The following PRKCB variants were observed in gnomAD, a reference collection of about 807,000 sequenced individuals.
PRKCB encodes the protein protein kinase C beta.
PRKCB carries 13 observed loss-of-function variants against 81.5 expected under a neutral mutation model. That is an observed-to-expected ratio of 0.16 (90% confidence interval 0.10 to 0.25). PRKCB has a LOEUF of 0.25. PRKCB is among the 10% of genes least tolerant of loss of function. The probability of loss-of-function intolerance (pLI) is 1.00; values close to 1 mark genes in which losing one functional copy is unlikely to be tolerated. For synonymous variants in PRKCB, 335 were observed against 321.4 expected, an observed-to-expected ratio of 1.04 and a Z score of -0.45; for missense variants, 509 against 875.7, an observed-to-expected ratio of 0.58 and a Z score of 5.29.
At chr16:24,049,986 G>C (rs972503433) in intron 5 of PRKCB, among the ~76,000 whole-genome samples, 3 of 152,210 alleles carry the variant, frequency 2.0e-5, no homozygotes, top group African/African-American at 7.2e-5. Context: ...CAGAGGAAGA[G>C]CAGTGGTGCA....
intron 14 of PRKCB, 40 bp from the exon 15 acceptor site, chr16:24,185,420 A>G: frequency 6.3e-7 from 1 of 1,577,858 alleles, no homozygotes; most frequent in African/African-American, 1.3e-5. Flanking sequence ...GGAGGGTTCA[A>G]GCAGGGATTC....
At position 24,149,281 on chromosome 16, in the gene PRKCB, T is replaced by A. The variant is rs546720629; in HGVS notation, c.1066-5403T>A. The stretch of plus-strand genomic sequence containing the variant: ...GACTCTGGCTCTGATTGGAGGAGTA[T>A]CAAATATTTGTAGACATGTTTTAAA... On this transcript the variant is annotated intron_variant, in intron 9 of 16. Transcript: ENST00000643927. Among the ~76,000 whole-genome samples, 6 of 152,308 alleles carry A rather than the reference T, an allele frequency of 3.9e-5. No individual in the cohort carries two copies. The East Asian group carries it at 1.2e-3, about 29-fold the overall frequency.
chr16:23,877,250 T>A (rs978497946), intron 2 of PRKCB, among the ~76,000 whole-genome samples: 5 of 151,960 alleles, frequency 3.3e-5, no homozygotes, highest in Admixed American at 3.3e-4. Flanking sequence ...GGCAGAAGGA[T>A]CACTTAAGCC....
intron 3 of PRKCB, among the ~76,000 whole-genome samples, chr16:24,003,000 G>A (rs1965060197): frequency 6.6e-6 from 1 of 152,048 alleles, no homozygotes; most frequent in South Asian, 2.1e-4. Flanking sequence ...GAGTCAGTCA[G>A]TATTTATTAT....
intron 3 of PRKCB, among the ~76,000 whole-genome samples, chr16:23,995,894 A>G (rs1964949696): frequency 6.6e-6 from 1 of 152,108 alleles, no homozygotes; most frequent in Non-Finnish European, 1.5e-5. Flanking sequence ...GACACCACCC[A>G]GAAGTGGACA....
chr16:23,916,581 A>G (rs2141739847), intron 2 of PRKCB, among the ~76,000 whole-genome samples: 1 of 152,272 alleles, frequency 6.6e-6, no homozygotes, highest in South Asian at 2.1e-4. Flanking sequence ...CCAATATTCA[A>G]CTAATAATAC....
At chr16:24,152,021 G>A (rs1023031538) in intron 9 of PRKCB, among the ~76,000 whole-genome samples, 4 of 149,512 alleles carry the variant, frequency 2.7e-5, no homozygotes, top group Admixed American at 2.0e-4. Context: ...TTGGTTGGGG[G>A]AATGGGAGAT....
intron 3 of PRKCB, among the ~76,000 whole-genome samples, chr16:24,029,137 G>A (rs1965520142): frequency 6.6e-6 from 1 of 152,214 alleles, no homozygotes; most frequent in Admixed American, 6.5e-5. Context: ...GGTCCTAGGA[G>A]AGTTCCAGTT....
chr16:24,044,190 A>G (rs1404741839), intron 5 of PRKCB, among the ~76,000 whole-genome samples: 3 of 152,096 alleles, frequency 2.0e-5, no homozygotes, highest in Admixed American at 2.0e-4. Context: ...CCCCGTCTCT[A>G]CTAAAAAAAA....
At chr16:23,885,080 A>G (rs1311994412) in intron 2 of PRKCB, among the ~76,000 whole-genome samples, 1 of 152,192 alleles carries the variant, frequency 6.6e-6, no homozygotes, top group Non-Finnish European at 1.5e-5. Flanking sequence ...TAAGGAATTA[A>G]CAATAACGAT....
chr16:24,014,747 C>A (rs770128730), intron 3 of PRKCB, among the ~76,000 whole-genome samples: 19 of 152,128 alleles, frequency 1.2e-4, no homozygotes, highest in Non-Finnish European at 2.2e-4. Flanking sequence ...AATATTAATC[C>A]ATTAAATTCT....
Position 24,216,015 on chromosome 16 carries a change from A to C in PRKCB, c.*1199A>C. ...AAAAAAAAAAAAGAAAAGAAGAAGA[A>C]ATACTATTTCAAGGAAAACTGCTCT... is the stretch of plus-strand genomic sequence containing the variant. On this transcript the variant is annotated 3_prime_UTR_variant, in exon 17 of 17. Coordinates refer to ENST00000643927, the MANE Select transcript of PRKCB (RefSeq NM_002738.7). 1.0e-6 allele frequency: 1 copy of C among 985,014 alleles called. No individual in the cohort carries two copies. Among genetic ancestry groups the C allele is most frequent in the Non-Finnish European group, 1.2e-6 (1 of 829,614 alleles). The allele number at this position is 985,014 out of a possible 1,614,324, so 61.0% of individuals were successfully genotyped here.
At chr16:23,955,634 C>T (rs138470613) in intron 2 of PRKCB, among the ~76,000 whole-genome samples, 6 of 152,218 alleles carry the variant, frequency 3.9e-5, no homozygotes, top group East Asian at 1.9e-4. Context: ...GGTGCAGGTC[C>T]GCCTATTTGA....
chr16:23,840,448 A>G (rs947464222), intron 2 of PRKCB, among the ~76,000 whole-genome samples: 4 of 152,178 alleles, frequency 2.6e-5, no homozygotes, highest in African/African-American at 9.7e-5. Flanking sequence ...AGAAGGGCAT[A>G]TAGCACATGC....
In PRKCB at chr16:24,174,489, C is replaced by T. The variant is rs201312011; in HGVS notation, c.1332-29C>T. The T allele has an allele frequency of 1.1e-5, 16 of 1,510,034 alleles. No individual in the cohort carries two copies. In the Admixed American group the frequency reaches 2.1e-4, roughly 19 times the overall value. The allele number at this position is 1,510,034 out of a possible 1,614,324, so 93.5% of individuals were successfully genotyped here. ...AGCATATGGTGTCCTTGAGTTTCTC[C>T]ATCGCTTTTTTTTTTTTTTTAATTT... On this transcript the variant is annotated intron_variant, in intron 11 of 16. Coordinates refer to ENST00000643927, the MANE Select transcript of PRKCB (RefSeq NM_002738.7).
chr16:24,046,836 G>T (rs1327077758), intron 5 of PRKCB, among the ~76,000 whole-genome samples: 2 of 152,190 alleles, frequency 1.3e-5, no homozygotes, highest in African/African-American at 4.8e-5. Flanking sequence ...CAAGGTCAGT[G>T]TGTTTAGGCC....
chr16:24,016,623 T>C (rs1171124006), intron 3 of PRKCB, among the ~76,000 whole-genome samples: 2 of 151,954 alleles, frequency 1.3e-5, no homozygotes, highest in Non-Finnish European at 2.9e-5. Flanking sequence ...AAAATAGCAA[T>C]AAAGAGGTAA....
intron 2 of PRKCB, among the ~76,000 whole-genome samples, chr16:23,954,118 A>G (rs1487328864): frequency 2.6e-5 from 4 of 152,086 alleles, no homozygotes; most frequent in Non-Finnish European, 5.9e-5. Flanking sequence ...ATATGTATAC[A>G]TGTGCCATGT....
intron 13 of PRKCB, among the ~76,000 whole-genome samples, chr16:24,184,893 A>G (rs1200997264): frequency 1.3e-5 from 2 of 152,222 alleles, no homozygotes; most frequent in South Asian, 2.1e-4. Flanking sequence ...AATAATAACA[A>G]TACACCTTAC....
Sources: gnomAD v4.1 joint callset for allele counts (sites outside exome capture counted in the v4.1 genomes callset) on GRCh38, gnomAD v4.1.1 for gene constraint, MANE v1.5 for transcripts, NCBI Gene and HGNC (gene_info 2026-07-23, HGNC 2026-07-21) for gene names.